Variants in DCAF8L2 observed in about 807,000 individuals in gnomAD.
DCAF8L2 encodes DDB1- and CUL4-associated factor 8-like protein 2.
For synonymous variants in DCAF8L2, 200 were observed against 190.9 expected, an observed-to-expected ratio of 1.05 and a Z score of -0.39; for missense variants, 430 against 490.7, an observed-to-expected ratio of 0.88 and a Z score of 1.17.
the DCAF8L2 span, among the ~76,000 whole-genome samples, chrX:27,536,057 T>G: frequency 8.9e-6 from 1 of 111,894 alleles, no homozygotes; most frequent in Admixed American, 9.6e-5. Context: ...AAAGTCGTCT[T>G]TGTCATTGGT....
At chrX:27,686,392 T>C (rs1331885172) in intron 3 of DCAF8L2, among the ~76,000 whole-genome samples, 7 of 111,329 alleles carry the variant, frequency 6.3e-5, no homozygotes, top group South Asian at 3.8e-4. Context: ...AACAGAATCC[T>C]ATTTGACTAT....
intron 2 of DCAF8L2, among the ~76,000 whole-genome samples, chrX:27,662,589 G>A (rs1235125927): frequency 9.0e-6 from 1 of 111,347 alleles, no homozygotes; most frequent in Non-Finnish European, 1.9e-5. Flanking sequence ...TGTAGCTGTG[G>A]CATTTTCTCT....
the DCAF8L2 span, chrX:27,518,733 C>T: frequency 2.2e-3 from 396 of 181,367 alleles, 2 homozygotes; most frequent in Non-Finnish European, 3.5e-3. Context: ...GAGCGAGACT[C>T]CATCTCAAAA....
intron 1 of DCAF8L2, among the ~76,000 whole-genome samples, chrX:27,612,133 T>C (rs774690132): frequency 9.0e-6 from 1 of 111,699 alleles, no homozygotes; most frequent in African/African-American, 3.3e-5. Context: ...ATGATCACCA[T>C]TCTAACTGGC....
At chrX:27,692,307 C>T (rs1387984646) in intron 3 of DCAF8L2, among the ~76,000 whole-genome samples, 2 of 111,550 alleles carry the variant, frequency 1.8e-5, no homozygotes, top group Non-Finnish European at 3.8e-5. Flanking sequence ...AATAGCCTGA[C>T]ATGGACTTTT....
At chrX:27,598,970 A>ATATATATAT (rs1454052658) in intron 1 of DCAF8L2, among the ~76,000 whole-genome samples, 1 of 82,265 alleles carries the variant, frequency 1.2e-5, no homozygotes, top group African/African-American at 4.5e-5. Context: ...CAAAAAAAAA[A>ATATATATAT]AAAAATATAT....
At position 27,747,016 on chromosome X, in the gene DCAF8L2, A is replaced by G; in HGVS notation, c.121A>G (p.Ile41Val). The change falls in exon 5 of 5, where the codon ATA becomes GTA. Residue 41 changes from isoleucine to valine, a missense_variant. Coordinates refer to ENST00000451261, the MANE Select transcript of DCAF8L2 (RefSeq NM_001353450.2). ...GACAGAGGCCTCCTCAGACATTGAC[A>G]TAGCGACCTCAGAGCTGAGTGTGAC... ...AATEASSDIDIATSELSVTVT... is the reference protein window; with the variant it reads ...AATEASSDIDVATSELSVTVT... The G allele has an allele frequency of 8.5e-7, 1 of 1,182,173 alleles. No homozygotes were observed. Among genetic ancestry groups the G allele is most frequent in the African/African-American group, 1.8e-5 (1 of 56,929 alleles).
chrX:27,648,122 A>G (rs1288139303), intron 2 of DCAF8L2, among the ~76,000 whole-genome samples: 1 of 111,410 alleles, frequency 9.0e-6, no homozygotes, highest in African/African-American at 3.3e-5. Context: ...CAGCAGAAGA[A>G]AAAAAGTACC....
At chrX:27,681,067 T>C (rs1930308836) in intron 3 of DCAF8L2, among the ~76,000 whole-genome samples, 1 of 111,579 alleles carries the variant, frequency 9.0e-6, no homozygotes, top group South Asian at 3.7e-4. Flanking sequence ...TAGAGGTAGA[T>C]ATCTATAGGT....
At chrX:27,527,840 C>G in the DCAF8L2 span, among the ~76,000 whole-genome samples, 6 of 108,719 alleles carry the variant, frequency 5.5e-5, no homozygotes, top group Non-Finnish European at 1.1e-4. Context: ...TTAGTAGAGA[C>G]AGGTTTTCAC....
At chrX:27,715,627 G>A (rs1931675061) in intron 3 of DCAF8L2, among the ~76,000 whole-genome samples, 1 of 111,607 alleles carries the variant, frequency 9.0e-6, no homozygotes, top group African/African-American at 3.3e-5. Flanking sequence ...ACGTAGAACA[G>A]TACCTAGCAC....
the DCAF8L2 span, among the ~76,000 whole-genome samples, chrX:27,469,434 C>T: frequency 9.0e-6 from 1 of 111,477 alleles, no homozygotes; most frequent in Non-Finnish European, 1.9e-5. Context: ...CAATTTTTGC[C>T]TAGAGATAGA....
chrX:27,479,000 G>T, the DCAF8L2 span, among the ~76,000 whole-genome samples: 3 of 111,257 alleles, frequency 2.7e-5, no homozygotes, highest in Non-Finnish European at 5.7e-5. Context: ...AATAGAATAT[G>T]ACAAAAGTGA....
Position 27,749,359 on chromosome X carries a change from GAT to G in DCAF8L2, c.*569_*570del, listed in dbSNP as rs1239683411. 1.3e-4 allele frequency among the ~76,000 whole-genome samples: 14 copies of G among 111,777 alleles called. No homozygotes were observed. Among genetic ancestry groups the G allele is most frequent in the African/African-American group, 4.6e-4 (14 of 30,721 alleles). ...AAAAGGAAAAGAGAAGTAGTGTGTA[GAT>G]TAATTCTTAACACTTGGCCATACGC... On this transcript the variant is annotated 3_prime_UTR_variant, in exon 5 of 5. Transcript: ENST00000451261.
At chrX:27,528,765 C>G in the DCAF8L2 span, among the ~76,000 whole-genome samples, 1 of 110,495 alleles carries the variant, frequency 9.1e-6, no homozygotes, top group Non-Finnish European at 1.9e-5. Context: ...TACATTTAAC[C>G]TCTCATCACC....
chrX:27,732,917 G>A (rs1391862013), intron 4 of DCAF8L2, among the ~76,000 whole-genome samples: 1 of 110,987 alleles, frequency 9.0e-6, no homozygotes, highest in Non-Finnish European at 1.9e-5. Flanking sequence ...GGAGTGTAGT[G>A]TGCAACCTCG....
chrX:27,651,074 C>A (rs1267564320), intron 2 of DCAF8L2, among the ~76,000 whole-genome samples: 1 of 111,880 alleles, frequency 8.9e-6, no homozygotes, highest in Non-Finnish European at 1.9e-5. Context: ...TGTTTTTAAT[C>A]CTGTGTATGT....
At chrX:27,533,229 A>G in the DCAF8L2 span, among the ~76,000 whole-genome samples, 2 of 44,707 alleles carry the variant, frequency 4.5e-5, no homozygotes, top group African/African-American at 1.1e-4. Context: ...AAAGAAAGAA[A>G]GAAAGAGAAA....
chrX:27,577,398 A>T, the DCAF8L2 span, among the ~76,000 whole-genome samples: 1 of 111,962 alleles, frequency 8.9e-6, no homozygotes, highest in African/African-American at 3.2e-5. Flanking sequence ...CAAATAGAAG[A>T]ACATATTGGC....
Sources: gnomAD v4.1 joint callset for allele counts (sites outside exome capture counted in the v4.1 genomes callset) on GRCh38, gnomAD v4.1.1 for gene constraint, MANE v1.5 for transcripts, NCBI Gene and HGNC (gene_info 2026-07-23, HGNC 2026-07-21) for gene names.